The following UTRN variants were observed in gnomAD, a reference collection of about 807,000 sequenced individuals.
UTRN encodes dystrophin-related protein 1.
In UTRN, 283 loss-of-function variants were observed where a neutral mutation model predicts 463.9. The observed-to-expected ratio is 0.61, with a 90% confidence interval of 0.55 to 0.67. UTRN has a LOEUF of 0.67. Among genes scored for constraint, UTRN ranks in the 30% least tolerant of loss-of-function variants. The pLI, the probability that UTRN is intolerant of heterozygous loss-of-function variation, is 0.00. For synonymous variants in UTRN, 1,442 were observed against 1,431.5 expected (o/e 1.01, Z -0.17); for missense variants, 3,922 against 4,084.3 (o/e 0.96, Z 1.08).
chr6:144,417,192 C>G (rs1784428811), intron 3 of UTRN, among the ~76,000 whole-genome samples: 1 of 152,170 alleles, frequency 6.6e-6, no homozygotes, highest in Non-Finnish European at 1.5e-5. Flanking sequence ...TGGGGGGCCA[C>G]TAAATATATC....
intron 66 of UTRN, among the ~76,000 whole-genome samples, chr6:144,824,254 G>GA (rs1779843396): frequency 1.3e-5 from 2 of 151,814 alleles, no homozygotes; most frequent in South Asian, 4.1e-4. Flanking sequence ...GGGGGTCTTT[G>GA]AGTAAAAGCA....
At chr6:144,705,325 C>T (rs1430635718) in intron 53 of UTRN, among the ~76,000 whole-genome samples, 1 of 152,220 alleles carries the variant, frequency 6.6e-6, no homozygotes, top group African/African-American at 2.4e-5. Flanking sequence ...CTTACCCAAG[C>T]TTCAGTGTAT....
At position 144,668,960 on chromosome 6, in the gene UTRN, G is replaced by A. The variant is rs116223561; in HGVS notation, c.7480-9446G>A. 2.2e-3 allele frequency among the ~76,000 whole-genome samples: 342 copies of A among 152,296 alleles called. 2 individuals are homozygous for A. Among genetic ancestry groups the A allele is most frequent in the African/African-American group, 8.1e-3 (338 of 41,554 alleles). ...TGCAAGTTTTTTATTTCTGCAGTGA[G>A]CTGTTTTACTGTTCATTACCAATGA... On this transcript the variant is annotated intron_variant, in intron 51 of 74. Coordinates refer to ENST00000367545, the MANE Select transcript of UTRN (RefSeq NM_007124.3).
intron 53 of UTRN, among the ~76,000 whole-genome samples, chr6:144,726,251 T>A (rs899802906): frequency 2.0e-5 from 3 of 152,144 alleles, no homozygotes; most frequent in African/African-American, 2.4e-5. Context: ...AGTGCAGTGG[T>A]CTTTGTGGCC....
At chr6:144,322,918 G>A (rs943467397) in intron 2 of UTRN, among the ~76,000 whole-genome samples, 3 of 151,484 alleles carry the variant, frequency 2.0e-5, no homozygotes, top group African/African-American at 7.3e-5. Flanking sequence ...ATTACAGCCT[G>A]GGTGACAGAG....
At position 144,557,290 on chromosome 6, in the gene UTRN, C is replaced by T; in HGVS notation, c.7268C>T (p.Ser2423Leu). ...GAAACCACAGAGTACTTAAAAACAT[C>T]ATGGATCAATCTCAAACAAAGGTAA... ...VKETTEYLKT[S>L]WINLKQSIAD... The change falls in exon 50 of 75, where the codon TCA becomes TTA. Residue 2423 changes from serine to leucine, a missense_variant. Coordinates refer to ENST00000367545, the MANE Select transcript of UTRN (RefSeq NM_007124.3). 6 of 1,613,394 alleles carry T rather than the reference C, an allele frequency of 3.7e-6. No individual in the cohort carries two copies. Among genetic ancestry groups the T allele is most frequent in the African/African-American group, 1.3e-5 (1 of 75,004 alleles).
In UTRN at chr6:144,458,879, A is replaced by G; in HGVS notation, c.2394A>G (p.Glu798=). 1 of 1,613,952 alleles carries G rather than the reference A, an allele frequency of 6.2e-7. No homozygotes were observed. Among genetic ancestry groups the G allele is most frequent in the Non-Finnish European group, 8.5e-7 (1 of 1,179,966 alleles). Residue 798 remains glutamate (E), a synonymous_variant, in exon 20 of 75, where the codon GAA becomes GAG. Coordinates refer to ENST00000367545, the MANE Select transcript of UTRN (RefSeq NM_007124.3). ...TAGAAAGAAAGATTCAGCTACAGGAAGATATAAATGCTTATTTCAAGCAGC... is the reference window on the plus strand; with the variant it reads ...TAGAAAGAAAGATTCAGCTACAGGAGGATATAAATGCTTATTTCAAGCAGC... ...EDLERKIQLQ[E]DINAYFKQLD... is the part of the protein sequence containing the mutation.
intron 2 of UTRN, among the ~76,000 whole-genome samples, chr6:144,401,558 G>T (rs1782935628): frequency 6.6e-6 from 1 of 152,092 alleles, no homozygotes; most frequent in Non-Finnish European, 1.5e-5. Context: ...GGTCACCTCT[G>T]AGCACCATTA....
chr6:144,811,079 C>T (rs1397985481), intron 65 of UTRN, among the ~76,000 whole-genome samples: 5 of 151,846 alleles, frequency 3.3e-5, no homozygotes, highest in Non-Finnish European at 1.5e-5. Context: ...TAAAAAATAT[C>T]GAATTTCTGT....
intron 35 of UTRN, among the ~76,000 whole-genome samples, chr6:144,511,631 T>C (rs925734374): frequency 3.9e-5 from 6 of 152,186 alleles, no homozygotes; most frequent in Admixed American, 2.6e-4. Flanking sequence ...AGTTTTGCAA[T>C]GATTGATTAT....
At chr6:144,570,275 TA>T (rs1800816393) in intron 50 of UTRN, among the ~76,000 whole-genome samples, 1 of 151,972 alleles carries the variant, frequency 6.6e-6, no homozygotes. Context: ...TAAAAAAAAG[TA>T]AAATGTAGAG....
chr6:144,819,381 T>A (rs192112666), intron 65 of UTRN, among the ~76,000 whole-genome samples: 128 of 152,182 alleles, frequency 8.4e-4, no homozygotes, highest in Non-Finnish European at 1.5e-3. Flanking sequence ...TCAAAAATAG[T>A]TTGGTTTTTG....
In UTRN at chr6:144,824,599, TATATATATATATA is replaced by T. The variant is rs1562954946; in HGVS notation, c.9495-2748_9495-2736del. On this transcript the variant is annotated intron_variant, in intron 66 of 74. Transcript: ENST00000367545. ...ATATATATATATATATATATATATATATATATATATATATCTTTTTTTTTTTTTTTTTTTTTTT... is the reference window on the plus strand; with the variant it reads ...ATATATATATATATATATATATATATTCTTTTTTTTTTTTTTTTTTTTTTT... Among the ~76,000 whole-genome samples the T allele has an allele frequency of 3.2e-3, 187 of 58,782 alleles. 2 individuals are homozygous for T. The highest frequency in any genetic ancestry group is 0.011 in the East Asian group (13 of 1,148). 38.6% of individuals were successfully genotyped at this position (58,782 alleles called of 152,430 possible). A position where few individuals can be genotyped will look rare whatever the true frequency, so the allele number is the denominator to read the frequency against.
chr6:144,568,201 C>T (rs1800598312), intron 50 of UTRN, among the ~76,000 whole-genome samples: 1 of 151,852 alleles, frequency 6.6e-6, no homozygotes, highest in South Asian at 2.1e-4. Flanking sequence ...TCATTTCTTG[C>T]AGTAAAGACT....
intron 19 of UTRN, among the ~76,000 whole-genome samples, chr6:144,454,730 G>A (rs1332518981): frequency 6.6e-6 from 1 of 152,086 alleles, no homozygotes; most frequent in Non-Finnish European, 1.5e-5. Context: ...TTTAGTAATT[G>A]ACAATATTCT....
chr6:144,766,773 A>G (rs1347646520), intron 58 of UTRN, among the ~76,000 whole-genome samples: 1 of 149,358 alleles, frequency 6.7e-6, no homozygotes, highest in Non-Finnish European at 1.5e-5. Flanking sequence ...CAGAAAATGT[A>G]GATTTGAGGT....
chr6:144,455,000 A>G (rs1788678595), intron 19 of UTRN, among the ~76,000 whole-genome samples: 1 of 151,944 alleles, frequency 6.6e-6, no homozygotes. Context: ...ACCTTAGATT[A>G]TTTTGCCTCC....
chr6:144,744,356 A>G (rs190657386), intron 54 of UTRN, among the ~76,000 whole-genome samples: 1 of 142,574 alleles, frequency 7.0e-6, no homozygotes, highest in Non-Finnish European at 1.5e-5. Context: ...GTGTGTGTAT[A>G]AAATTTTTAA....
chr6:144,381,454 G>T (rs1780912961), intron 2 of UTRN, among the ~76,000 whole-genome samples: 1 of 152,066 alleles, frequency 6.6e-6, no homozygotes, highest in Non-Finnish European at 1.5e-5. Flanking sequence ...CAAAGTCTTT[G>T]TTACTGTGCT....
Sources: gnomAD v4.1 joint callset for allele counts (sites outside exome capture counted in the v4.1 genomes callset) on GRCh38, gnomAD v4.1.1 for gene constraint, MANE v1.5 for transcripts, NCBI Gene and HGNC (gene_info 2026-07-23, HGNC 2026-07-21) for gene names.